Variants in BRD10 observed in about 807,000 individuals in gnomAD.
The protein encoded by BRD10 is bromodomain containing 10.
chr9:5,921,512 G>A, the BRD10 span: 30 of 1,613,748 alleles, frequency 1.9e-5, no homozygotes, highest in Admixed American at 1.5e-4. Context: ...AGATGTCAGC[G>A]CAGGTGTCAT....
chr9:5,930,550 G>C, the BRD10 span, among the ~76,000 whole-genome samples: 1 of 151,948 alleles, frequency 6.6e-6, no homozygotes, highest in African/African-American at 2.4e-5. Flanking sequence ...TCTTAGAAGA[G>C]GAATTGCTTA....
the BRD10 span, among the ~76,000 whole-genome samples, chr9:5,924,394 C>G: frequency 6.6e-6 from 1 of 152,058 alleles, no homozygotes; most frequent in East Asian, 1.9e-4. Flanking sequence ...ACTCCTATCT[C>G]GACCTCTTGA....
chr9:5,991,972 A>C, the BRD10 span, among the ~76,000 whole-genome samples: 1 of 152,088 alleles, frequency 6.6e-6, no homozygotes, highest in Non-Finnish European at 1.5e-5. Context: ...TTTGCACTTG[A>C]TCACTCTCCT....
At chr9:5,923,228 G>A in the BRD10 span, 9 of 1,613,648 alleles carry the variant, frequency 5.6e-6, no homozygotes, top group Middle Eastern at 1.6e-4. Context: ...CAGTGTCTTC[G>A]GTAAGTCTTT....
At chr9:5,984,388 C>A in the BRD10 span, among the ~76,000 whole-genome samples, 2 of 151,950 alleles carry the variant, frequency 1.3e-5, no homozygotes, top group Non-Finnish European at 2.9e-5. Context: ...TGAAACTGAC[C>A]ATGATAAATT....
chr9:6,002,439 T>TA, the BRD10 span, among the ~76,000 whole-genome samples: 780 of 146,958 alleles, frequency 5.3e-3, 4 homozygotes, highest in Non-Finnish European at 5.6e-3. Flanking sequence ...AAGATTTATA[T>TA]AAAAAAAAAA....
the BRD10 span, chr9:5,920,032 T>C: frequency 1.2e-6 from 2 of 1,613,952 alleles, no homozygotes. Context: ...CCTTAGCAGT[T>C]GTGTTTATGA....
chr9:5,887,764 C>G, the BRD10 span, among the ~76,000 whole-genome samples: 1 of 152,200 alleles, frequency 6.6e-6, no homozygotes, highest in Non-Finnish European at 1.5e-5. Flanking sequence ...GGAACTCAGT[C>G]TAAGTCATGG....
the BRD10 span, among the ~76,000 whole-genome samples, chr9:5,963,850 A>T: frequency 6.6e-6 from 1 of 151,974 alleles, no homozygotes; most frequent in Non-Finnish European, 1.5e-5. Flanking sequence ...CTGGCTAGCC[A>T]TATGTAGGAA....
chr9:5,907,147 CT>C, the BRD10 span: 1 of 411,500 alleles, frequency 2.4e-6, no homozygotes, highest in Non-Finnish European at 4.3e-6. Flanking sequence ...AAAATGGCAA[CT>C]TTTATGTGTA....
At chr9:5,965,246 A>G in the BRD10 span, among the ~76,000 whole-genome samples, 1 of 152,074 alleles carries the variant, frequency 6.6e-6, no homozygotes, top group African/African-American at 2.4e-5. Flanking sequence ...AGCTCATCCC[A>G]AAGCGTATTC....
chr9:5,931,141 A>G, the BRD10 span, among the ~76,000 whole-genome samples: 1 of 152,218 alleles, frequency 6.6e-6, no homozygotes, highest in African/African-American at 2.4e-5. Context: ...ACCGGGAGTT[A>G]CAGGAGAAAA....
chr9:5,988,953 G>A, the BRD10 span, among the ~76,000 whole-genome samples: 57 of 152,058 alleles, frequency 3.7e-4, 1 homozygote, highest in South Asian at 4.1e-4. Context: ...ATAAACAGCC[G>A]GGTGCAGTGG....
chr9:5,968,053 G>A, the BRD10 span: 1 of 1,519,168 alleles, frequency 6.6e-7, no homozygotes, highest in Non-Finnish European at 8.8e-7. Flanking sequence ...CTTTTTTTTT[G>A]ATGATCAATA....
the BRD10 span, among the ~76,000 whole-genome samples, chr9:5,889,069 T>C: frequency 6.6e-6 from 1 of 152,226 alleles, no homozygotes; most frequent in Non-Finnish European, 1.5e-5. Flanking sequence ...TCTGATCCAC[T>C]ACATCTTTCT....
the BRD10 span, among the ~76,000 whole-genome samples, chr9:5,931,686 T>C: frequency 3.3e-5 from 5 of 152,330 alleles, no homozygotes; most frequent in African/African-American, 4.8e-5. Context: ...TAAATCATTC[T>C]ATATTTCGAA....
chr9:5,936,456 A>C, the BRD10 span, among the ~76,000 whole-genome samples: 4 of 152,208 alleles, frequency 2.6e-5, no homozygotes, highest in East Asian at 1.9e-4. Context: ...TACTTATTAG[A>C]ATTACATCTT....
At chr9:5,895,991 C>T in the BRD10 span, among the ~76,000 whole-genome samples, 1 of 152,240 alleles carries the variant, frequency 6.6e-6, no homozygotes, top group Non-Finnish European at 1.5e-5. Flanking sequence ...CAGCTGCCTT[C>T]AGTCACGAGA....
the BRD10 span, among the ~76,000 whole-genome samples, chr9:5,916,007 C>T: frequency 1.3e-5 from 2 of 152,178 alleles, no homozygotes; most frequent in African/African-American, 4.8e-5. Flanking sequence ...CACATTTTCT[C>T]TCCAGGTTGT....
Sources: gnomAD v4.1 joint callset for allele counts (sites outside exome capture counted in the v4.1 genomes callset) on GRCh38, gnomAD v4.1.1 for gene constraint, MANE v1.5 for transcripts, NCBI Gene and HGNC (gene_info 2026-07-23, HGNC 2026-07-21) for gene names.